DPP7: variants seen among roughly 807,000 people sequenced by gnomAD.
DPP7 encodes the protein dipeptidyl peptidase 7, also known as dipeptidyl peptidase 2.
DPP7 carries 74 observed loss-of-function variants against 58.8 expected under a neutral mutation model. The observed-to-expected ratio is 1.26, with a 90% CI of 1.04 to 1.53. The LOEUF (loss-of-function observed/expected upper bound fraction) is 1.53. Ranked by LOEUF, DPP7 falls within the 40% of genes most tolerant of loss-of-function variation. The pLI is 0.00. For missense variants in DPP7, 807 were observed against 692.3 expected (o/e 1.17, Z -1.86); for synonymous variants, 350 against 303.6 (o/e 1.15, Z -1.59).
intron 1 of DPP7, 21 bp downstream of exon 1, chr9:137,114,626 C>T: frequency 1.4e-6 from 2 of 1,401,296 alleles, no homozygotes; most frequent in East Asian, 3.1e-5. Flanking sequence ...GGGGAATGGG[C>T]CGGGGGGCGC....
rs376369249 is a variant in DPP7 at position 137,113,472 on chromosome 9, G to A, written c.510C>T (p.Tyr170=). Residue 170 remains tyrosine (Y), a synonymous_variant, in exon 5 of 13, where the codon TAC becomes TAT. Transcript: ENST00000371579. ...GGSYGGMLSA[Y]LRMKYPHLVA... is the part of the protein sequence containing the mutation. ...CCAGGTGGGGATACTTCATCCTCAGGTAGGCACTGAGCATCCCCCCATAAC... is the reference window on the plus strand; with the variant it reads ...CCAGGTGGGGATACTTCATCCTCAGATAGGCACTGAGCATCCCCCCATAAC... The A allele has an allele frequency of 8.2e-6, 13 of 1,592,816 alleles. No individual in the cohort carries two copies. The African/African-American group carries it at 1.5e-4, about 18-fold the overall frequency.
At position 137,111,678 on chromosome 9, in the gene DPP7, G is replaced by A. The variant is rs1477369477; in HGVS notation, c.1272+12C>T. On this transcript the variant is annotated intron_variant, in intron 11 of 12. Coordinates refer to ENST00000371579, the MANE Select transcript of DPP7 (RefSeq NM_013379.3). The stretch of plus-strand genomic sequence containing the variant: ...AAACTAACGGGGTCATAGGGCCCAG[G>A]CCAGGACTCACCCCGCCCCCTGCCC... 16 of 1,613,344 alleles carry A rather than the reference G, an allele frequency of 9.9e-6. No individual in the cohort carries two copies. The highest frequency in any genetic ancestry group is 1.3e-5 in the Non-Finnish European group (15 of 1,179,862).
Position 137,113,045 on chromosome 9 carries a change from T to G in DPP7, c.778A>C (p.Met260Leu), listed in dbSNP as rs775495838. The change falls in exon 7 of 13, where the codon ATG becomes CTG. Residue 260 changes from methionine (M) to leucine (L), a missense_variant. Physicochemically the swap from Met to Leu is conservative, Grantham distance 15. Transcript: ENST00000371579. ...SDEKDLTQLF[M>L]FARNAFTVLA... ...ACGGTGAAGGCATTCCGGGCGAACA[T>G]GAAGAGCTGGGTCAGGTCCTTCTCG... The G allele has an allele frequency of 1.2e-6, 2 of 1,613,792 alleles. No homozygotes were observed. Among genetic ancestry groups the G allele is most frequent in the East Asian group, 4.5e-5 (2 of 44,866 alleles).
chr9:137,111,579 A>G (rs922904289), intron 11 of DPP7, 111 bp downstream of exon 11: 16 of 1,218,384 alleles, frequency 1.3e-5, no homozygotes, highest in Non-Finnish European at 1.9e-5. Flanking sequence ...TCAAGGCTGC[A>G]GTGAACCCTG....
At chr9:137,111,068 C>T in intron 11 of DPP7, 118 bp from the exon 12 acceptor site, 1 of 970,010 alleles carries the variant, frequency 1.0e-6, no homozygotes, top group Non-Finnish European at 1.6e-6. Context: ...CATCAAGCAA[C>T]CAGAGAGAAC....
At chr9:137,112,286 C>G (rs563032588) in intron 8 of DPP7, 56 bp from the exon 9 acceptor site, 346 of 1,414,050 alleles carry the variant, frequency 2.4e-4, no homozygotes, top group Non-Finnish European at 3.0e-4. Context: ...CCGCGGGCTC[C>G]GGCCACCAAC....
At chr9:137,113,842 C>A in intron 4 of DPP7, 23 bp downstream of exon 4, 1 of 1,057,616 alleles carries the variant, frequency 9.5e-7, no homozygotes. Context: ...GGAGGGGGTG[C>A]GGAGGCCGGG....
At chr9:137,116,749 CGACA>C (rs1831651180), upstream of DPP7, among the ~76,000 whole-genome samples, 1 of 152,220 alleles carries the variant, frequency 6.6e-6, no homozygotes, top group African/African-American at 2.4e-5. Flanking sequence ...CTTCTGTCTC[CGACA>C]TGCCCCTGGG....
chr9:137,117,264 C>G (rs1055160434), upstream of DPP7, among the ~76,000 whole-genome samples: 3 of 152,260 alleles, frequency 2.0e-5, no homozygotes, highest in African/African-American at 7.2e-5. Flanking sequence ...AGGGGCCCAA[C>G]TTCTGCAGGA....
chr9:137,116,285 C>T (rs1831633888), upstream of DPP7, among the ~76,000 whole-genome samples: 1 of 152,254 alleles, frequency 6.6e-6, no homozygotes, highest in African/African-American at 2.4e-5. Context: ...AGGGTGGCCA[C>T]AGTCCCCTGC....
In DPP7 at chr9:137,110,681, T is replaced by G; in HGVS notation, c.1446A>C (p.Pro482=). 6.2e-7 allele frequency: 1 copy of G among 1,609,706 alleles called. No individual in the cohort carries two copies. ...TGAGTCTGGGCCCCCCACGCAGAGCTGGCTGCTGCTCACGCCTGGCTGCCT... is the reference window on the plus strand; with the variant it reads ...TGAGTCTGGGCCCCCCACGCAGAGCGGGCTGCTGCTCACGCCTGGCTGCCT... ...WVKAARREQQ[P]ALRGGPRLSL Residue 482 remains proline (P), a synonymous_variant, in exon 13 of 13, where the codon CCA becomes CCC. Transcript: ENST00000371579.
At chr9:137,116,694 T>G (rs1399435934), upstream of DPP7, among the ~76,000 whole-genome samples, 1 of 152,144 alleles carries the variant, frequency 6.6e-6, no homozygotes, top group Non-Finnish European at 1.5e-5. Flanking sequence ...CTGAGGAGGA[T>G]TAGTGAAAGA....
intron 8 of DPP7, chr9:137,112,477 G>T: frequency 1.6e-6 from 1 of 624,384 alleles, no homozygotes; most frequent in Non-Finnish European, 2.8e-6. Context: ...GCTGCCCTCT[G>T]TTGCCCTCCA....
rs554888500 is a variant in DPP7 at position 137,112,884 on chromosome 9, G to A, written c.870+69C>T. On this transcript the variant is annotated intron_variant, in intron 7 of 12. Coordinates refer to ENST00000371579, the MANE Select transcript of DPP7 (RefSeq NM_013379.3). ...TCCCTGGCTCCCAGGATGAGGGTCA[G>A]GCCGCTGACCACCAGCCTCGGGACA... The A allele has an allele frequency of 6.0e-5, 96 of 1,602,822 alleles. 1 individual carries two copies. The South Asian group carries it at 9.7e-4, about 16-fold the overall frequency.
chr9:137,111,915 A>T lies in DPP7; in HGVS notation c.1165T>A (p.Trp389Arg), dbSNP rs1831386162. 1 of 1,542,776 alleles carries T rather than the reference A, an allele frequency of 6.5e-7. No homozygotes were observed. The highest frequency in any genetic ancestry group is 1.4e-5 in the African/African-American group (1 of 70,496). ...QRYCLDTWGV[W>R]PRPDWLLTSF... ...GTCAGCAGCCAGTCGGGCCGGGGCC[A>T]CACGCCCCAGGTGTCCAGGCAGTAC... The change falls in exon 10 of 13, where the codon TGG becomes AGG. Residue 389 changes from tryptophan to arginine, a missense_variant. Around this residue, in one of 3 missense-constraint regions of DPP7, gnomAD observed 624 missense variants for 531.2 expected, o/e 1.17. Transcript: ENST00000371579.
intron 4 of DPP7, 63 bp from the exon 5 acceptor site, chr9:137,113,559 CAG>C (rs764655286): frequency 3.3e-6 from 5 of 1,494,766 alleles, no homozygotes; most frequent in African/African-American, 2.8e-5. Context: ...TTTTCCTCCT[CAG>C]GGGCCCACAG....
chr9:137,110,951 C>G lies in DPP7; in HGVS notation c.1273-1G>C. Reference sequence around the variant, plus strand: ...CTGAGGCACTCAGGTTCCTCCGAATCTGTGGTCAGTGGAAAGAACTCCATC... The same window carrying G: ...CTGAGGCACTCAGGTTCCTCCGAATGTGTGGTCAGTGGAAAGAACTCCATC... On this transcript the variant is annotated splice_acceptor_variant, in intron 11 of 12. Coordinates refer to ENST00000371579, the MANE Select transcript of DPP7 (RefSeq NM_013379.3). LOFTEE classifies it high-confidence loss of function. The G allele has an allele frequency of 1.6e-5, 26 of 1,612,944 alleles. No individual in the cohort carries two copies. Among genetic ancestry groups the G allele is most frequent in the Non-Finnish European group, 2.2e-5 (26 of 1,179,830 alleles).
intron 11 of DPP7, among the ~76,000 whole-genome samples, chr9:137,111,478 G>A (rs984964532): frequency 6.6e-6 from 1 of 152,184 alleles, no homozygotes; most frequent in Admixed American, 6.5e-5. Context: ...TGGTGAGACT[G>A]TGTCTCTACA....
rs1831478626 is a variant in DPP7 at position 137,113,444 on chromosome 9, C to G, written c.538G>C (p.Ala180Pro). 1.2e-6 allele frequency: 2 copies of G among 1,605,028 alleles called. No homozygotes were observed. The highest frequency in any genetic ancestry group is 1.7e-6 in the Non-Finnish European group (2 of 1,174,724). The change falls in exon 5 of 13, where the codon GCG becomes CCG. Residue 180 changes from alanine to proline, a missense_variant. Ala to Pro is a conservative substitution (Grantham distance 27). Around this residue, in one of 3 missense-constraint regions of DPP7, gnomAD observed 624 missense variants for 531.2 expected, o/e 1.17. Coordinates refer to ENST00000371579, the MANE Select transcript of DPP7 (RefSeq NM_013379.3). ...GGCGCGCTGGCCGCCAGCGCCCCCG[C>G]CACCAGGTGGGGATACTTCATCCTC... ...YLRMKYPHLV[A>P]GALAASAPVL...
Sources: gnomAD v4.1 joint callset for allele counts (sites outside exome capture counted in the v4.1 genomes callset) on GRCh38, gnomAD v4.1.1 for gene constraint, gnomAD v4.1.1 regional missense constraint, MANE v1.5 for transcripts, NCBI Gene and HGNC (gene_info 2026-07-23, HGNC 2026-07-21) for gene names.